LEF1: variants seen among roughly 807,000 people sequenced by gnomAD.
LEF1 encodes the protein lymphoid enhancer-binding factor 1.
Under a neutral mutation model 51.2 loss-of-function variants are expected in LEF1, and 14 were observed. The ratio of observed to expected loss-of-function variants is 0.27; its 90% CI spans 0.18 to 0.43. The LOEUF (loss-of-function observed/expected upper bound fraction) is 0.43, where lower values mean the gene tolerates loss of function less well. Ranked by LOEUF, LEF1 falls within the 20% of genes least tolerant of loss-of-function variation. The pLI is 1.00. For synonymous variants in LEF1, 185 were observed against 183.2 expected, an observed-to-expected ratio of 1.01 and a Z score of -0.08; for missense variants, 386 against 512.0, an observed-to-expected ratio of 0.75 and a Z score of 2.37.
intron 3 of LEF1, among the ~76,000 whole-genome samples, chr4:108,106,885 G>A (rs968824588): frequency 6.6e-6 from 1 of 152,200 alleles, no homozygotes; most frequent in Non-Finnish European, 1.5e-5. Flanking sequence ...TTCTGTGAGT[G>A]CACAGAGAGA....
intron 11 of LEF1, among the ~76,000 whole-genome samples, chr4:108,052,410 G>C (rs1377723450): frequency 2.0e-5 from 3 of 152,240 alleles, no homozygotes; most frequent in Non-Finnish European, 4.4e-5. Context: ...TTTGAGGGGA[G>C]AATATTAGAG....
At chr4:108,072,521 T>C (rs1316546598) in intron 8 of LEF1, among the ~76,000 whole-genome samples, 1 of 152,202 alleles carries the variant, frequency 6.6e-6, no homozygotes, top group African/African-American at 2.4e-5. Context: ...AGATGATTTA[T>C]TGTTTAATTG....
intron 3 of LEF1, among the ~76,000 whole-genome samples, chr4:108,115,493 C>G (rs1373084978): frequency 1.3e-5 from 2 of 152,150 alleles, no homozygotes; most frequent in African/African-American, 4.8e-5. Context: ...ATTGGTAACT[C>G]TGAGCTCTAT....
intron 11 of LEF1, among the ~76,000 whole-genome samples, chr4:108,058,032 C>A (rs902423514): frequency 2.0e-5 from 3 of 152,022 alleles, no homozygotes; most frequent in Non-Finnish European, 4.4e-5. Context: ...TGCCACCACA[C>A]CTGGCTAATT....
At chr4:108,165,328 T>C in intron 1 of LEF1, 165 bp from the exon 2 acceptor site, 3 of 552,784 alleles carry the variant, frequency 5.4e-6, no homozygotes, top group South Asian at 6.0e-5. Context: ...TGCATAATCC[T>C]TTTCTTGTCA....
intron 8 of LEF1, among the ~76,000 whole-genome samples, chr4:108,073,826 C>A (rs534264850): frequency 8.1e-4 from 70 of 86,756 alleles, no homozygotes; most frequent in African/African-American, 2.0e-3. Context: ...TCTGATAACC[C>A]CCCCCCCTTT....
intron 3 of LEF1, among the ~76,000 whole-genome samples, chr4:108,097,429 C>T (rs952134415): frequency 5.9e-5 from 9 of 152,134 alleles, no homozygotes; most frequent in Non-Finnish European, 1.3e-4. Flanking sequence ...TGATGGTTAC[C>T]AGCAGCTTGG....
At chr4:108,078,036 A>G (rs1274772325) in intron 8 of LEF1, among the ~76,000 whole-genome samples, 184 bp downstream of exon 8, 2 of 102,646 alleles carry the variant, frequency 1.9e-5, no homozygotes, top group Non-Finnish European at 4.6e-5. Flanking sequence ...ACAGAGTGAG[A>G]CGCTGTCTCA....
chr4:108,063,200 G>A (rs542965211), intron 11 of LEF1, among the ~76,000 whole-genome samples: 1 of 152,262 alleles, frequency 6.6e-6, no homozygotes, highest in Non-Finnish European at 1.5e-5. Flanking sequence ...TTGAGAAAAA[G>A]TCTCTACTGA....
intron 11 of LEF1, among the ~76,000 whole-genome samples, chr4:108,062,720 C>T (rs1189775794): frequency 6.6e-6 from 1 of 152,122 alleles, no homozygotes; most frequent in Admixed American, 6.6e-5. Context: ...TACAGTACTC[C>T]AGATGGAAAG....
intron 3 of LEF1, among the ~76,000 whole-genome samples, chr4:108,118,736 C>A (rs1284932956): frequency 6.6e-6 from 1 of 152,138 alleles, no homozygotes. Context: ...GAGATGGCCA[C>A]TGCAGCCTGC....
intron 7 of LEF1, 108 bp from the exon 8 acceptor site, chr4:108,078,490 C>A (rs553452625): frequency 7.1e-7 from 1 of 1,405,080 alleles, no homozygotes. Context: ...CTCAGGATGG[C>A]GACAACCCTC....
At chr4:108,099,550 GTGTGTATGTGTGTGTGTGTGTATA>G (rs1740623639) in intron 3 of LEF1, among the ~76,000 whole-genome samples, 2 of 44,740 alleles carry the variant, frequency 4.5e-5, no homozygotes, top group Admixed American at 2.3e-4. Context: ...ATATGTGTGT[GTGTGTATGTGTGTGTGTGTGTATA>G]TATATATATA....
At chr4:108,165,390 A>G in intron 1 of LEF1, 1 of 508,698 alleles carries the variant, frequency 2.0e-6, no homozygotes, top group Non-Finnish European at 3.5e-6. Context: ...ACGTATAAAT[A>G]ATAACAAAAC....
At chr4:108,091,654 T>C (rs972966598) in intron 3 of LEF1, among the ~76,000 whole-genome samples, 2 of 152,166 alleles carry the variant, frequency 1.3e-5, no homozygotes, top group African/African-American at 2.4e-5. Context: ...CAAACATCTA[T>C]GCATATAAAT....
intron 3 of LEF1, among the ~76,000 whole-genome samples, chr4:108,137,239 T>C (rs1489157689): frequency 6.6e-6 from 1 of 152,088 alleles, no homozygotes; most frequent in African/African-American, 2.4e-5. Flanking sequence ...GTAAGAATAA[T>C]ACAATGGACT....
chr4:108,102,389 T>C (rs554113668), intron 3 of LEF1, among the ~76,000 whole-genome samples: 1 of 152,270 alleles, frequency 6.6e-6, no homozygotes, highest in East Asian at 1.9e-4. Flanking sequence ...CCTGCCAAAA[T>C]TCCACAAAGG....
chr4:108,117,983 T>C (rs1741941037), intron 3 of LEF1, among the ~76,000 whole-genome samples: 1 of 152,228 alleles, frequency 6.6e-6, no homozygotes, highest in Admixed American at 6.5e-5. Context: ...ATGAGCCAAG[T>C]ACTATGCTAA....
intron 3 of LEF1, among the ~76,000 whole-genome samples, chr4:108,099,530 A>G (rs1276714782): frequency 3.2e-5 from 4 of 123,708 alleles, no homozygotes; most frequent in African/African-American, 8.7e-5. Flanking sequence ...ATATATATAT[A>G]TATATGTGTA....
Sources: allele counts gnomAD v4.1 joint callset (sites outside exome capture counted in the v4.1 genomes callset), GRCh38; gene constraint gnomAD v4.1.1; transcripts MANE v1.5; gene names NCBI Gene and HGNC (gene_info 2026-07-23, HGNC 2026-07-21).